Variants in RNF180 observed in about 807,000 individuals in gnomAD.
RNF180 encodes E3 ubiquitin-protein ligase RNF180.
RNF180 carries 38 observed loss-of-function variants against 59.2 expected under a neutral mutation model. The ratio of observed to expected loss-of-function variants is 0.64; its 90% CI spans 0.50 to 0.84. The LOEUF (loss-of-function observed/expected upper bound fraction) is 0.84, where lower values mean the gene tolerates loss of function less well. Ranked by LOEUF, RNF180 falls within the 40% of genes least tolerant of loss-of-function variation. The pLI is 0.00. For missense variants in RNF180, 705 were observed against 700.9 expected, an observed-to-expected ratio of 1.01 and a Z score of -0.07; for synonymous variants, 262 against 240.3, an observed-to-expected ratio of 1.09 and a Z score of -0.84.
At chr5:64,230,990 CAT>C (rs1352369649) in intron 5 of RNF180, among the ~76,000 whole-genome samples, 1 of 152,080 alleles carries the variant, frequency 6.6e-6, no homozygotes. Flanking sequence ...GCCTAAGTAG[CAT>C]AAAGGGCAAT....
At chr5:64,299,794 T>C (rs1425806882) in intron 5 of RNF180, among the ~76,000 whole-genome samples, 1 of 151,926 alleles carries the variant, frequency 6.6e-6, no homozygotes, top group Non-Finnish European at 1.5e-5. Flanking sequence ...TCACTTTCCA[T>C]GGTTTCAGCT....
Position 64,369,793 on chromosome 5 carries a change from C to T in RNF180, c.1758C>T (p.Cys586=). ...GATTCATTGTTTTCTGCTTTCTTTG[C>T]TATTTTTTCTTTCCGTTTTAGGAAT... ...VIGFIVFCFL[C]YFFFPF is the part of the protein sequence containing the mutation. The change falls in exon 8 of 8, where the codon TGC becomes TGT. Residue 586 remains cysteine (C), a synonymous_variant. Coordinates refer to ENST00000389100, the MANE Select transcript of RNF180 (RefSeq NM_001113561.2). The T allele has an allele frequency of 1.3e-6, 2 of 1,514,178 alleles. No homozygotes were observed. The allele number at this position is 1,514,178 out of a possible 1,614,324, so 93.8% of individuals were successfully genotyped here.
intron 5 of RNF180, among the ~76,000 whole-genome samples, chr5:64,270,907 T>A (rs2112351784): frequency 6.6e-6 from 1 of 152,222 alleles, no homozygotes; most frequent in East Asian, 1.9e-4. Context: ...CCTGATGTGT[T>A]TTTTGTTTAT....
chr5:64,255,126 A>C (rs918438219), intron 5 of RNF180, among the ~76,000 whole-genome samples: 4 of 152,182 alleles, frequency 2.6e-5, no homozygotes, highest in Admixed American at 6.6e-5. Context: ...TTAAACCATT[A>C]TCTAAAAAAT....
At chr5:64,170,455 A>C (rs1202676050) in intron 1 of RNF180, among the ~76,000 whole-genome samples, 2 of 152,222 alleles carry the variant, frequency 1.3e-5, no homozygotes, top group African/African-American at 2.4e-5. Context: ...TAAGTTAGCC[A>C]CTGAGTAGAT....
intron 5 of RNF180, among the ~76,000 whole-genome samples, chr5:64,281,165 AC>A (rs752424022): frequency 3.7e-4 from 56 of 152,272 alleles, no homozygotes; most frequent in Non-Finnish European, 6.9e-4. Flanking sequence ...ATATCCTGAA[AC>A]TTTGCTGAAG....
chr5:64,281,426 TG>T (rs1320124182), intron 5 of RNF180, among the ~76,000 whole-genome samples: 5 of 152,222 alleles, frequency 3.3e-5, no homozygotes, highest in Middle Eastern at 3.2e-3. Context: ...AGGATAATGT[TG>T]GCTGTGGGTT....
chr5:64,198,017 G>A (rs912290949), intron 1 of RNF180, among the ~76,000 whole-genome samples: 20 of 152,112 alleles, frequency 1.3e-4, no homozygotes, highest in Admixed American at 4.6e-4. Context: ...AGACCCAGGA[G>A]AGGTGAGGAG....
intron 5 of RNF180, among the ~76,000 whole-genome samples, chr5:64,286,043 G>A (rs1369149177): frequency 1.3e-5 from 2 of 152,056 alleles, no homozygotes; most frequent in East Asian, 3.9e-4. Flanking sequence ...CTTGAAATCA[G>A]GAACAAGTCC....
chr5:64,277,973 T>C (rs1261754921), intron 5 of RNF180, among the ~76,000 whole-genome samples: 1 of 152,218 alleles, frequency 6.6e-6, no homozygotes, highest in Non-Finnish European at 1.5e-5. Flanking sequence ...GGGGAAAGTA[T>C]TGGTTTATCC....
chr5:64,219,428 GTCTT>G (rs1752796099), intron 5 of RNF180, among the ~76,000 whole-genome samples: 1 of 151,898 alleles, frequency 6.6e-6, no homozygotes. Context: ...TTTTTGTAAT[GTCTT>G]TGTCTGATTT....
In RNF180 at chr5:64,213,770, C is replaced by G. The variant is rs772175186; in HGVS notation, c.444C>G (p.Asp148Glu). The G allele has an allele frequency of 6.2e-7, 1 of 1,614,024 alleles. No homozygotes were observed. The highest frequency in any genetic ancestry group is 1.3e-5 in the African/African-American group (1 of 74,922). ...ATCCTAGAGTTCAGTCAGGTTGTGA[C>G]AAGGAAGCTCTGCTGACAGGTGGTG... Reference protein sequence around the residue: ...LSHPRVQSGCDKEALLTGGGS... With the variant: ...LSHPRVQSGCEKEALLTGGGS... Residue 148 changes from aspartate to glutamate, a missense_variant, in exon 4 of 8, where the codon GAC becomes GAG. Asp to Glu is a conservative substitution (Grantham distance 45). Coordinates refer to ENST00000389100, the MANE Select transcript of RNF180 (RefSeq NM_001113561.2).
At chr5:64,280,403 G>A (rs996766264) in intron 5 of RNF180, among the ~76,000 whole-genome samples, 11 of 152,024 alleles carry the variant, frequency 7.2e-5, no homozygotes, top group South Asian at 6.2e-4. Context: ...TGACCAGAAT[G>A]GTATTTCCTA....
At chr5:64,258,368 G>A (rs550491024) in intron 5 of RNF180, among the ~76,000 whole-genome samples, 6 of 152,294 alleles carry the variant, frequency 3.9e-5, no homozygotes, top group South Asian at 2.1e-4. Flanking sequence ...AAGGGAGGTG[G>A]ATAAGGTCAG....
chr5:64,297,147 T>G (rs1742922415), intron 5 of RNF180, among the ~76,000 whole-genome samples: 1 of 152,062 alleles, frequency 6.6e-6, no homozygotes, highest in South Asian at 2.1e-4. Flanking sequence ...AAATTTAAAT[T>G]ACTCTGATTA....
chr5:64,323,572 G>A (rs1488377990), intron 5 of RNF180, among the ~76,000 whole-genome samples: 3 of 151,860 alleles, frequency 2.0e-5, no homozygotes, highest in Admixed American at 6.6e-5. Context: ...TATAATAACA[G>A]TAAACACTTA....
In RNF180 at chr5:64,255,827, G is replaced by C. The variant is rs147026669; in HGVS notation, c.1227+38431G>C. Among the ~76,000 whole-genome samples, 741 of 152,314 alleles carry C rather than the reference G, an allele frequency of 4.9e-3. 12 individuals carry two copies. The highest frequency in any genetic ancestry group is 0.016 in the African/African-American group (682 of 41,568). ...TTACATTCCCACAAACAGTGTAAAA[G>C]TGTTCCTATTTCTCCACATCCTCTC... On this transcript the variant is annotated intron_variant, in intron 5 of 7. Coordinates refer to ENST00000389100, the MANE Select transcript of RNF180 (RefSeq NM_001113561.2).
chr5:64,181,093 A>AAAATG (rs1469103968), intron 1 of RNF180, among the ~76,000 whole-genome samples: 3 of 152,206 alleles, frequency 2.0e-5, no homozygotes, highest in Admixed American at 6.5e-5. Flanking sequence ...GCACACAAGA[A>AAAATG]AAATGAAGGC....
chr5:64,190,203 G>A (rs1220517637), intron 1 of RNF180, among the ~76,000 whole-genome samples: 4 of 152,198 alleles, frequency 2.6e-5, no homozygotes, highest in Non-Finnish European at 5.9e-5. Flanking sequence ...AGACCATTAA[G>A]CCAGAAAGGA....
Sources: gnomAD v4.1 joint callset for allele counts (sites outside exome capture counted in the v4.1 genomes callset) on GRCh38, gnomAD v4.1.1 for gene constraint, MANE v1.5 for transcripts, NCBI Gene and HGNC (gene_info 2026-07-23, HGNC 2026-07-21) for gene names.